Variants in NUP155 observed in about 807,000 individuals in gnomAD.
NUP155 encodes nuclear pore complex protein Nup155.
NUP155 carries 71 observed loss-of-function variants against 180.4 expected under a neutral mutation model. The ratio of observed to expected loss-of-function variants is 0.39; its 90% CI spans 0.33 to 0.48. The LOEUF (loss-of-function observed/expected upper bound fraction) is 0.48. Ranked by LOEUF, NUP155 falls within the 20% of genes least tolerant of loss-of-function variation. NUP155 has a pLI of 0.91. For synonymous variants in NUP155, 582 were observed against 559.5 expected (o/e 1.04, Z -0.57); for missense variants, 1,553 against 1,648.9 (o/e 0.94, Z 1.01).
At chr5:37,302,551 G>C (rs1176687249) in intron 29 of NUP155, among the ~76,000 whole-genome samples, 4 of 152,162 alleles carry the variant, frequency 2.6e-5, no homozygotes, top group Admixed American at 2.6e-4. Context: ...ACCTTTCGAA[G>C]TGCCAAAGAG....
intron 3 of NUP155, among the ~76,000 whole-genome samples, chr5:37,359,141 T>TTATA (rs35639229): frequency 4.7e-5 from 7 of 149,156 alleles, no homozygotes; most frequent in African/African-American, 1.5e-4. Context: ...TATGAAAAAT[T>TTATA]TATATATATA....
chr5:37,308,323 T>C (rs1743297606), intron 24 of NUP155, among the ~76,000 whole-genome samples: 1 of 152,096 alleles, frequency 6.6e-6, no homozygotes, highest in Non-Finnish European at 1.5e-5. Context: ...GAGGCTGAGA[T>C]GGGTGGATCA....
At chr5:37,360,424 G>A (rs1747124264) in intron 3 of NUP155, among the ~76,000 whole-genome samples, 1 of 152,044 alleles carries the variant, frequency 6.6e-6, no homozygotes, top group South Asian at 2.1e-4. Flanking sequence ...GGAGAAGGTT[G>A]CAGTCAGCCA....
chr5:37,303,402 A>G lies in NUP155; in HGVS notation c.3175T>C (p.Phe1059Leu), dbSNP rs768291803. The change falls in exon 28 of 35, where the codon TTT becomes CTT. Residue 1059 changes from phenylalanine to leucine, a missense_variant. Physicochemically the swap from Phe to Leu is conservative, Grantham distance 22 (BLOSUM62 0). Transcript: ENST00000231498. ...ADKLLQVASP[F>L]LEPHLVRMAK... ...ATTCGGACTAGATGTGGCTCCAGAA[A>G]TGGAGAAGCAACCTAGAAATTATAT... is the stretch of plus-strand genomic sequence containing the variant. 2.0e-5 allele frequency: 32 copies of G among 1,613,910 alleles called. No homozygotes were observed. The highest frequency in any genetic ancestry group is 2.5e-5 in the Non-Finnish European group (30 of 1,179,900).
At chr5:37,298,010 A>G (rs1742679599) in intron 32 of NUP155, among the ~76,000 whole-genome samples, 1 of 151,978 alleles carries the variant, frequency 6.6e-6, no homozygotes, top group African/African-American at 2.4e-5. Flanking sequence ...GGCCAAGGCA[A>G]GCGGATCACC....
chr5:37,317,979 A>G lies in NUP155; in HGVS notation c.2305+9T>C. On this transcript the variant is annotated intron_variant, in intron 21 of 34. Transcript: ENST00000231498. The stretch of plus-strand genomic sequence containing the variant: ...ATGTACGCTTAACTGATGAGAAGCA[A>G]TAATTTACCATGAAACTTCCTCTGC... 2 of 1,529,688 alleles carry G rather than the reference A, an allele frequency of 1.3e-6. No individual in the cohort carries two copies. The highest frequency in any genetic ancestry group is 1.8e-6 in the Non-Finnish European group (2 of 1,102,920). 94.8% of individuals were successfully genotyped at this position (1,529,688 alleles called of 1,614,324 possible).
chr5:37,343,041 G>A (rs1197748430), intron 9 of NUP155, among the ~76,000 whole-genome samples: 3 of 151,594 alleles, frequency 2.0e-5, no homozygotes, highest in South Asian at 2.1e-4. Context: ...GAGCCACTGT[G>A]CCCGACCACA....
chr5:37,349,836 A>T (rs568824508), intron 7 of NUP155, among the ~76,000 whole-genome samples: 1 of 152,324 alleles, frequency 6.6e-6, no homozygotes, highest in South Asian at 2.1e-4. Context: ...AATTTGTTCT[A>T]GACCAAGCAA....
chr5:37,292,622 A>G (rs1291786114), intron 34 of NUP155, among the ~76,000 whole-genome samples: 1 of 152,190 alleles, frequency 6.6e-6, no homozygotes, highest in African/African-American at 2.4e-5. Context: ...GACATAATTG[A>G]AATGTTTTGG....
intron 7 of NUP155, 32 bp downstream of exon 7, chr5:37,350,128 T>C: frequency 6.9e-7 from 1 of 1,455,656 alleles, no homozygotes; most frequent in South Asian, 1.1e-5. Flanking sequence ...AGAAATTAGT[T>C]GTACTTGCCA....
chr5:37,331,210 CAT>C (rs1744939984), intron 14 of NUP155, among the ~76,000 whole-genome samples: 1 of 151,942 alleles, frequency 6.6e-6, no homozygotes, highest in South Asian at 2.1e-4. Flanking sequence ...CTACAAGACT[CAT>C]ATTAATCCTG....
chr5:37,364,930 C>A (rs1424738375), intron 1 of NUP155, among the ~76,000 whole-genome samples: 1 of 151,784 alleles, frequency 6.6e-6, no homozygotes, highest in African/African-American at 2.4e-5. Context: ...GCCACCGTGC[C>A]CAGCTGGAAA....
Position 37,351,315 on chromosome 5 carries a change from A to G in NUP155, c.598T>C (p.Leu200=). ...LNDSLSGGMQ[L]LPDPLYSLPT... is the part of the protein sequence containing the mutation. ...AGAGAATATAAAGGATCTGGAAGCA[A>G]CTGCATTCCACCAGACAAACTATCA... The change falls in exon 6 of 35, where the codon TTG becomes CTG. Residue 200 remains leucine (L), a synonymous_variant. Transcript: ENST00000231498. 6.2e-7 allele frequency: 1 copy of G among 1,613,026 alleles called. No individual in the cohort carries two copies. Among genetic ancestry groups the G allele is most frequent in the African/African-American group, 1.3e-5 (1 of 75,024 alleles).
At chr5:37,365,752 TAC>T (rs372031424) in intron 1 of NUP155, among the ~76,000 whole-genome samples, 1,308 of 37,616 alleles carry the variant, frequency 0.035, 47 homozygotes, top group Admixed American at 0.045. Flanking sequence ...TATATATATA[TAC>T]ACACACACAC....
At chr5:37,333,694 A>T in intron 12 of NUP155, 61 bp from the exon 13 acceptor site, 1 of 1,208,516 alleles carries the variant, frequency 8.3e-7, no homozygotes, top group Non-Finnish European at 1.2e-6. Context: ...CAAAAGAAAA[A>T]ACTACAGACT....
At position 37,303,329 on chromosome 5, in the gene NUP155, C is replaced by T. The variant is rs554780026; in HGVS notation, c.3248G>A (p.Arg1083Gln). ...GAAACTTCTGTTCTTCTCGTAATACCGCCAGAGTAAATCCATATAACGAAC... is the reference window on the plus strand; with the variant it reads ...GAAACTTCTGTTCTTCTCGTAATACTGCCAGAGTAAATCCATATAACGAAC... ...NRVRYMDLLW[R>Q]YYEKNRSFSN... is the part of the protein sequence containing the mutation. Residue 1083 changes from arginine to glutamine, a missense_variant, in exon 28 of 35, where the codon CGG becomes CAG. Arg to Gln is a conservative substitution (Grantham distance 43). Coordinates refer to ENST00000231498, the MANE Select transcript of NUP155 (RefSeq NM_153485.3). The T allele has an allele frequency of 2.4e-5, 38 of 1,614,056 alleles. No homozygotes were observed. The African/African-American group carries it at 2.5e-4, about 11-fold the overall frequency.
chr5:37,365,738 A>AAAAAAAATATAT (rs1561818758), intron 1 of NUP155, among the ~76,000 whole-genome samples: 1 of 37,132 alleles, frequency 2.7e-5, no homozygotes, highest in Non-Finnish European at 4.6e-5. Context: ...AAAAAAAAAA[A>AAAAAAAATATAT]ATATATATAT....
chr5:37,315,495 A>T (rs902676337), intron 21 of NUP155, among the ~76,000 whole-genome samples: 5 of 152,230 alleles, frequency 3.3e-5, no homozygotes, highest in African/African-American at 1.2e-4. Context: ...AAAAAGGCAT[A>T]TTACTAATCA....
In NUP155 at chr5:37,288,820, T is replaced by C. The variant is rs1742125844; in HGVS notation, c.*3080A>G. ...GGCTCATGCCTGTAATCCCAGCTCT[T>C]TGGGAGGCCAAGGGGGGTGGATCAC... On this transcript the variant is annotated 3_prime_UTR_variant, in exon 35 of 35. Transcript: ENST00000231498. The C allele has an allele frequency of 7.0e-6, 1 of 142,716 alleles. No homozygotes were observed. The highest frequency in any genetic ancestry group is 1.5e-5 in the Non-Finnish European group (1 of 65,934). The allele number at this position is 142,716 out of a possible 1,614,324, so 8.8% of individuals were successfully genotyped here.
Sources: allele counts gnomAD v4.1 joint callset (sites outside exome capture counted in the v4.1 genomes callset), GRCh38; gene constraint gnomAD v4.1.1; transcripts MANE v1.5; gene names NCBI Gene and HGNC (gene_info 2026-07-23, HGNC 2026-07-21).